TMPRSS12: variants seen among roughly 807,000 people sequenced by gnomAD.
The protein encoded by TMPRSS12 is transmembrane protease serine 12.
In TMPRSS12, 25 loss-of-function variants were observed where a neutral mutation model predicts 26.0. That is an observed-to-expected ratio of 0.96 (90% CI 0.70 to 1.34). The LOEUF (loss-of-function observed/expected upper bound fraction) is 1.34. Ranked by LOEUF, TMPRSS12 falls within the 40% of genes most tolerant of loss-of-function variation. The probability of loss-of-function intolerance (pLI) is 0.00; values close to 1 mark genes in which losing one functional copy is unlikely to be tolerated. For missense variants in TMPRSS12, 441 were observed against 440.1 expected, an observed-to-expected ratio of 1.00 and a Z score of -0.02; for synonymous variants, 150 against 161.7, an observed-to-expected ratio of 0.93 and a Z score of 0.55.
intron 2 of TMPRSS12, among the ~76,000 whole-genome samples, chr12:50,852,912 A>G (rs1274021993): frequency 1.3e-5 from 2 of 152,214 alleles, no homozygotes; most frequent in African/African-American, 4.8e-5. Context: ...ACAGTATTAG[A>G]CAGATCACTG....
chr12:50,881,205 ACTC>A (rs1592225264), intron 3 of TMPRSS12, among the ~76,000 whole-genome samples: 1 of 150,516 alleles, frequency 6.6e-6, no homozygotes, highest in East Asian at 2.0e-4. Flanking sequence ...CTGGTCTTGA[ACTC>A]CTGACCTCAG....
intron 2 of TMPRSS12, among the ~76,000 whole-genome samples, chr12:50,848,509 T>C (rs1937795116): frequency 6.6e-6 from 1 of 152,248 alleles, no homozygotes; most frequent in Non-Finnish European, 1.5e-5. Context: ...GTTGTTTTGT[T>C]TTTTGTCTGC....
chr12:50,873,440 C>T (rs1392930493), intron 3 of TMPRSS12, among the ~76,000 whole-genome samples: 1 of 152,150 alleles, frequency 6.6e-6, no homozygotes, highest in East Asian at 1.9e-4. Context: ...GCAAAACTAT[C>T]ATTCAATAAT....
intron 2 of TMPRSS12, among the ~76,000 whole-genome samples, chr12:50,852,527 C>A (rs1937835507): frequency 6.6e-6 from 1 of 152,224 alleles, no homozygotes; most frequent in Non-Finnish European, 1.5e-5. Flanking sequence ...TCTCCTACAT[C>A]AGCCTCCCCA....
chr12:50,862,982 C>G (rs186636705), intron 3 of TMPRSS12, among the ~76,000 whole-genome samples: 1 of 151,908 alleles, frequency 6.6e-6, no homozygotes, highest in African/African-American at 2.4e-5. Context: ...TGCTTGAGGC[C>G]AGGAGTTCGA....
At chr12:50,873,932 A>C (rs1036289248) in intron 3 of TMPRSS12, among the ~76,000 whole-genome samples, 1 of 152,200 alleles carries the variant, frequency 6.6e-6, no homozygotes, top group Non-Finnish European at 1.5e-5. Flanking sequence ...CAGGAGAAGT[A>C]TTTAAATACT....
At chr12:50,859,284 C>T (rs1370205837) in intron 3 of TMPRSS12, among the ~76,000 whole-genome samples, 5 of 151,586 alleles carry the variant, frequency 3.3e-5, no homozygotes, top group East Asian at 1.9e-4. Flanking sequence ...GGCACGATCT[C>T]GGCTCACTGC....
chr12:50,871,570 G>A (rs1371087099), intron 3 of TMPRSS12, among the ~76,000 whole-genome samples: 2 of 152,096 alleles, frequency 1.3e-5, no homozygotes, highest in Non-Finnish European at 1.5e-5. Flanking sequence ...AAAAGCAAAC[G>A]CAATACAAAC....
intron 3 of TMPRSS12, among the ~76,000 whole-genome samples, chr12:50,878,002 G>A (rs1467258037): frequency 6.6e-6 from 1 of 152,140 alleles, no homozygotes; most frequent in African/African-American, 2.4e-5. Context: ...ACATCACTTA[G>A]AGAAATTAAA....
intron 2 of TMPRSS12, among the ~76,000 whole-genome samples, chr12:50,848,644 A>G (rs557142579): frequency 6.6e-6 from 1 of 152,214 alleles, no homozygotes; most frequent in East Asian, 1.9e-4. Flanking sequence ...ATCAATTTTC[A>G]TGGTGAATTA....
intron 3 of TMPRSS12, among the ~76,000 whole-genome samples, chr12:50,859,700 T>C (rs1452404626): frequency 1.3e-5 from 2 of 152,216 alleles, no homozygotes; most frequent in Non-Finnish European, 2.9e-5. Flanking sequence ...TGCTTTCTAC[T>C]GTATCACAGC....
chr12:50,885,121 A>ATATGTG, intron 3 of TMPRSS12, 125 bp from the exon 4 acceptor site: 6 of 759,826 alleles, frequency 7.9e-6, no homozygotes, highest in Non-Finnish European at 1.2e-5. Flanking sequence ...ATACACATAT[A>ATATGTG]TATGAATATA....
intron 1 of TMPRSS12, among the ~76,000 whole-genome samples, chr12:50,843,575 CA>C (rs1937735018): frequency 1.3e-5 from 2 of 152,010 alleles, no homozygotes; most frequent in Admixed American, 1.3e-4. Context: ...GATACGTGGC[CA>C]AAAATTTTTA....
At chr12:50,872,605 C>CATATATATGACGTATATATGT (rs1205147507) in intron 3 of TMPRSS12, among the ~76,000 whole-genome samples, 1 of 128,422 alleles carries the variant, frequency 7.8e-6, no homozygotes, top group East Asian at 2.4e-4. Flanking sequence ...CGTATATGTA[C>CATATATATGACGTATATATGT]ATATATATGA....
chr12:50,872,367 G>T (rs11503915), intron 3 of TMPRSS12, among the ~76,000 whole-genome samples: 1 of 149,640 alleles, frequency 6.7e-6, no homozygotes, highest in Non-Finnish European at 1.5e-5. Flanking sequence ...CAAAAAATTA[G>T]CCGGGCGCGG....
chr12:50,874,770 C>G (rs1938097212), intron 3 of TMPRSS12, among the ~76,000 whole-genome samples: 1 of 152,070 alleles, frequency 6.6e-6, no homozygotes, highest in African/African-American at 2.4e-5. Flanking sequence ...ACATCAATAA[C>G]ATTCAAGTTG....
chr12:50,850,256 G>T (rs1005137605), intron 2 of TMPRSS12, among the ~76,000 whole-genome samples: 1 of 152,078 alleles, frequency 6.6e-6, no homozygotes, highest in African/African-American at 2.4e-5. Flanking sequence ...GGTGATAAGT[G>T]AGTTCTCATG....
intron 3 of TMPRSS12, among the ~76,000 whole-genome samples, chr12:50,867,314 CACTT>C (rs1478840757): frequency 2.0e-5 from 3 of 152,300 alleles, no homozygotes; most frequent in Admixed American, 6.5e-5. Context: ...ACATTGGACA[CACTT>C]ACAGAAATGC....
chr12:50,851,835 T>C (rs768573188), intron 2 of TMPRSS12, among the ~76,000 whole-genome samples: 1 of 152,220 alleles, frequency 6.6e-6, no homozygotes, highest in Non-Finnish European at 1.5e-5. Context: ...CCCATCAGGC[T>C]AACAGCAGAC....
Sources: allele counts gnomAD v4.1 joint callset (sites outside exome capture counted in the v4.1 genomes callset), GRCh38; gene constraint gnomAD v4.1.1; transcripts MANE v1.5; gene names NCBI Gene and HGNC (gene_info 2026-07-23, HGNC 2026-07-21).